Variants in FBXL17 observed in about 807,000 individuals in gnomAD.
The protein encoded by FBXL17 is F-box and leucine rich repeat protein 17.
Under a neutral mutation model 66.2 loss-of-function variants are expected in FBXL17, and 22 were observed. The observed-to-expected ratio is 0.33, with a 90% CI of 0.24 to 0.47. FBXL17 has a LOEUF of 0.47. FBXL17 is among the 20% of genes least tolerant of loss of function. The pLI is 1.00. For synonymous variants in FBXL17, 474 were observed against 400.5 expected, an observed-to-expected ratio of 1.18 and a Z score of -2.19; for missense variants, 878 against 948.2, an observed-to-expected ratio of 0.93 and a Z score of 0.97.
chr5:108,313,019 TAATC>T (rs1245026139), intron 4 of FBXL17, among the ~76,000 whole-genome samples: 2 of 152,108 alleles, frequency 1.3e-5, no homozygotes, highest in Non-Finnish European at 2.9e-5. Context: ...ATTTCACAAA[TAATC>T]AAATGTTAGT....
At chr5:108,088,696 A>G (rs1275687200) in intron 6 of FBXL17, among the ~76,000 whole-genome samples, 5 of 100,542 alleles carry the variant, frequency 5.0e-5, no homozygotes, top group African/African-American at 3.9e-5. Context: ...GCGAGACTCT[A>G]TCTCAAAAAA....
intron 4 of FBXL17, among the ~76,000 whole-genome samples, chr5:108,290,393 C>T (rs766109636): frequency 3.9e-5 from 6 of 152,074 alleles, no homozygotes; most frequent in African/African-American, 9.7e-5. Context: ...CCCCATGTCT[C>T]GTGATCACAC....
chr5:108,275,251 G>A (rs1404532158), intron 4 of FBXL17, among the ~76,000 whole-genome samples: 1 of 152,198 alleles, frequency 6.6e-6, no homozygotes, highest in African/African-American at 2.4e-5. Flanking sequence ...CACTGCCTAC[G>A]ACACAAGACT....
intron 7 of FBXL17, among the ~76,000 whole-genome samples, chr5:108,000,543 A>G (rs918585603): frequency 6.6e-6 from 1 of 152,246 alleles, no homozygotes; most frequent in African/African-American, 2.4e-5. Context: ...ATATCTGATG[A>G]CTGCAAAAAT....
chr5:107,973,458 G>A (rs1260342346), intron 7 of FBXL17, among the ~76,000 whole-genome samples: 3 of 149,656 alleles, frequency 2.0e-5, no homozygotes, highest in African/African-American at 4.9e-5. Flanking sequence ...GTCTGGGGAA[G>A]CCAAAAGATT....
rs186359937 is a variant in FBXL17, at chr5:108,181,624, T to C, written c.1745+4493A>G. Among the ~76,000 whole-genome samples, 14 of 152,286 alleles carry C rather than the reference T, an allele frequency of 9.2e-5. No individual in the cohort carries two copies. The East Asian group carries it at 2.7e-3, about 29-fold the overall frequency. ...TTATTAAAACCTACGATAAATGTTA[T>C]ATATAAAGGACTGTGACAAGTACTG... On this transcript the variant is annotated intron_variant, in intron 6 of 8. Transcript: ENST00000542267.
At chr5:108,304,154 T>C (rs1187922138) in intron 4 of FBXL17, among the ~76,000 whole-genome samples, 1 of 152,020 alleles carries the variant, frequency 6.6e-6, no homozygotes, top group African/African-American at 2.4e-5. Flanking sequence ...CATTAAACAC[T>C]TTGATAGTTG....
At chr5:107,893,723 A>G (rs17160707) in intron 7 of FBXL17, among the ~76,000 whole-genome samples, 2,868 of 152,294 alleles carry the variant, frequency 0.019, 112 homozygotes, top group African/African-American at 0.066. Flanking sequence ...ATGAAGGACT[A>G]CAGACTGATC....
At chr5:108,182,150 A>C (rs1048307423) in intron 6 of FBXL17, among the ~76,000 whole-genome samples, 2 of 152,224 alleles carry the variant, frequency 1.3e-5, no homozygotes, top group African/African-American at 4.8e-5. Flanking sequence ...GCAGGAACTC[A>C]GTGCCCCACA....
At chr5:108,338,065 T>C (rs1291279243) in intron 4 of FBXL17, among the ~76,000 whole-genome samples, 1 of 152,040 alleles carries the variant, frequency 6.6e-6, no homozygotes, top group Non-Finnish European at 1.5e-5. Context: ...GTGTATATAT[T>C]AGTGTCCTGC....
At chr5:108,198,402 C>G (rs1753764355) in intron 5 of FBXL17, among the ~76,000 whole-genome samples, 1 of 152,118 alleles carries the variant, frequency 6.6e-6, no homozygotes, top group African/African-American at 2.4e-5. Context: ...ACAGGAGTCA[C>G]AGACTCTGGT....
In FBXL17 at chr5:107,954,723, G is replaced by T. The variant is rs531474583; in HGVS notation, c.1822+66202C>A. ...TGAATGAAAAGACAGCAGATGGAAA[G>T]AAAGTGGTTTTGATCACAGATGACT... is the stretch of plus-strand genomic sequence containing the variant. On this transcript the variant is annotated intron_variant, in intron 7 of 8. Coordinates refer to ENST00000542267, the MANE Select transcript of FBXL17 (RefSeq NM_001163315.3). Among the ~76,000 whole-genome samples the T allele has an allele frequency of 1.2e-4, 18 of 152,280 alleles. No homozygotes were observed. The East Asian group carries it at 3.5e-3, about 29-fold the overall frequency.
intron 6 of FBXL17, among the ~76,000 whole-genome samples, chr5:108,098,391 C>G (rs964895748): frequency 1.3e-5 from 2 of 152,048 alleles, no homozygotes; most frequent in Non-Finnish European, 2.9e-5. Flanking sequence ...AAAATAAAGG[C>G]TTTGATTTCA....
At chr5:107,919,404 C>T (rs1022421673) in intron 7 of FBXL17, among the ~76,000 whole-genome samples, 1 of 152,072 alleles carries the variant, frequency 6.6e-6, no homozygotes, top group Non-Finnish European at 1.5e-5. Flanking sequence ...CCTTTGTCTC[C>T]AGAAGATCTA....
chr5:108,088,610 A>G (rs1161393697), intron 6 of FBXL17, among the ~76,000 whole-genome samples: 1 of 143,404 alleles, frequency 7.0e-6, no homozygotes, highest in Non-Finnish European at 1.5e-5. Context: ...CTGATGCAGG[A>G]GAATCGCTTA....
intron 4 of FBXL17, among the ~76,000 whole-genome samples, chr5:108,243,124 T>C (rs1755935022): frequency 6.6e-6 from 1 of 152,152 alleles, no homozygotes; most frequent in Non-Finnish European, 1.5e-5. Flanking sequence ...TCAGATTGGC[T>C]GATAAAAAGA....
intron 4 of FBXL17, among the ~76,000 whole-genome samples, chr5:108,331,488 T>C (rs186174019): frequency 3.2e-4 from 48 of 152,320 alleles, no homozygotes; most frequent in African/African-American, 1.0e-3. Flanking sequence ...AGTTTTGAAA[T>C]CCAAGTCTTA....
chr5:108,277,626 GTTC>G (rs371932287), intron 4 of FBXL17, among the ~76,000 whole-genome samples: 10 of 152,280 alleles, frequency 6.6e-5, no homozygotes, highest in South Asian at 4.1e-4. Flanking sequence ...AGAGCTTAGA[GTTC>G]TCTCAGTCTG....
intron 8 of FBXL17, chr5:107,879,955 C>T: frequency 2.1e-6 from 2 of 940,764 alleles, no homozygotes; most frequent in African/African-American, 1.8e-5. Flanking sequence ...TCTTTCTGAG[C>T]CTCCATTTTC....
Sources: allele counts gnomAD v4.1 joint callset (sites outside exome capture counted in the v4.1 genomes callset), GRCh38; gene constraint gnomAD v4.1.1; transcripts MANE v1.5; gene names NCBI Gene and HGNC (gene_info 2026-07-23, HGNC 2026-07-21).